The following GRM1 variants were observed in gnomAD, a reference collection of about 807,000 sequenced individuals.
GRM1 encodes the protein metabotropic glutamate receptor 1.
Under a neutral mutation model 90.9 loss-of-function variants are expected in GRM1, and 33 were observed. The observed-to-expected ratio is 0.36, with a 90% CI of 0.28 to 0.49. The LOEUF (loss-of-function observed/expected upper bound fraction) is 0.49, where lower values mean the gene tolerates loss of function less well. Ranked by LOEUF, GRM1 falls within the 20% of genes least tolerant of loss-of-function variation. The probability of loss-of-function intolerance (pLI) is 0.99; values close to 1 mark genes in which losing one functional copy is unlikely to be tolerated. For missense variants in GRM1, 1,190 were observed against 1,534.3 expected (o/e 0.78, Z 3.75); for synonymous variants, 700 against 613.2 (o/e 1.14, Z -2.09).
chr6:146,336,275 G>A (rs1254137915), intron 3 of GRM1, among the ~76,000 whole-genome samples: 1 of 152,194 alleles, frequency 6.6e-6, no homozygotes, highest in African/African-American at 2.4e-5. Context: ...GCCAGAGGCA[G>A]AGATTCCTTT....
chr6:146,105,325 T>C (rs1432898284), intron 1 of GRM1, among the ~76,000 whole-genome samples: 1 of 152,178 alleles, frequency 6.6e-6, no homozygotes, highest in Non-Finnish European at 1.5e-5. Flanking sequence ...GTAAGTAGCC[T>C]TTAAACTAGT....
chr6:146,407,138 T>A (rs889050246), intron 7 of GRM1, among the ~76,000 whole-genome samples: 7 of 152,184 alleles, frequency 4.6e-5, no homozygotes, highest in Non-Finnish European at 1.0e-4. Flanking sequence ...TAGAATACTT[T>A]AGAACGAACG....
chr6:146,342,637 C>T (rs530905244), intron 3 of GRM1, among the ~76,000 whole-genome samples: 8 of 152,292 alleles, frequency 5.3e-5, no homozygotes, highest in South Asian at 4.1e-4. Context: ...TCCTATCAAC[C>T]GTTTCATAAG....
At chr6:146,093,739 A>T (rs895110225) in intron 1 of GRM1, among the ~76,000 whole-genome samples, 1 of 152,014 alleles carries the variant, frequency 6.6e-6, no homozygotes. Flanking sequence ...ATACAAATCC[A>T]TTAAGGTGCT....
At chr6:146,401,759 T>C (rs1187719906) in intron 7 of GRM1, among the ~76,000 whole-genome samples, 2 of 152,220 alleles carry the variant, frequency 1.3e-5, no homozygotes, top group African/African-American at 4.8e-5. Context: ...ATAATTAAGT[T>C]ATCTTGTGTT....
chr6:146,196,957 C>T (rs1185080315), intron 2 of GRM1, among the ~76,000 whole-genome samples: 1 of 152,142 alleles, frequency 6.6e-6, no homozygotes, highest in Non-Finnish European at 1.5e-5. Flanking sequence ...GCATTCTCTA[C>T]CCTTGAGAAG....
intron 2 of GRM1, among the ~76,000 whole-genome samples, chr6:146,282,982 C>T (rs1039363756): frequency 1.3e-5 from 2 of 152,158 alleles, no homozygotes; most frequent in Non-Finnish European, 2.9e-5. Flanking sequence ...TAATAGCAAA[C>T]CCCCTGCAAG....
chr6:146,316,763 GGGGGACTGTCTTTTTGAGGGCCT>G lies in GRM1; in HGVS notation c.1186+11940_1186+11962del, dbSNP rs1475102615. On this transcript the variant is annotated intron_variant, in intron 3 of 7. Coordinates refer to ENST00000282753, the MANE Select transcript of GRM1 (RefSeq NM_001278064.2). ...ATTGGGGACTGTCTTTTTGAGGGCCGGGGGACTGTCTTTTTGAGGGCCTGGGGACTGTCTTTTTGAGGGCCAGG... is the reference window on the plus strand; with the variant it reads ...ATTGGGGACTGTCTTTTTGAGGGCCGGGGGACTGTCTTTTTGAGGGCCAGG... Among the ~76,000 whole-genome samples, 17 of 151,728 alleles carry G rather than the reference GGGGGACTGTCTTTTTGAGGGCCT, an allele frequency of 1.1e-4. No homozygotes were observed. The South Asian group carries it at 1.9e-3, about 17-fold the overall frequency.
chr6:146,189,152 A>AT (rs1404171144), intron 2 of GRM1, among the ~76,000 whole-genome samples: 1 of 152,148 alleles, frequency 6.6e-6, no homozygotes, highest in Non-Finnish European at 1.5e-5. Context: ...TTAATTGTTG[A>AT]TTTTTTCCCT....
At chr6:146,335,471 G>T (rs1477151936) in intron 3 of GRM1, among the ~76,000 whole-genome samples, 1 of 152,174 alleles carries the variant, frequency 6.6e-6, no homozygotes, top group Non-Finnish European at 1.5e-5. Flanking sequence ...TCACTGTTGA[G>T]ATGTGTTTTA....
chr6:146,112,625 G>C (rs553131806), intron 1 of GRM1, among the ~76,000 whole-genome samples: 1 of 152,240 alleles, frequency 6.6e-6, no homozygotes, highest in South Asian at 2.1e-4. Flanking sequence ...ATTTGTCACT[G>C]TTTCTATGCA....
chr6:146,214,219 A>G (rs988858320), intron 2 of GRM1, among the ~76,000 whole-genome samples: 1 of 152,196 alleles, frequency 6.6e-6, no homozygotes, highest in Non-Finnish European at 1.5e-5. Flanking sequence ...ACCTAAGATT[A>G]ACCATCACAA....
chr6:146,348,656 A>G (rs1785266895), intron 3 of GRM1, among the ~76,000 whole-genome samples: 1 of 152,228 alleles, frequency 6.6e-6, no homozygotes, highest in Non-Finnish European at 1.5e-5. Context: ...CCGGCTCTCT[A>G]TATGACACTG....
At chr6:146,316,861 C>G (rs1435338843) in intron 3 of GRM1, among the ~76,000 whole-genome samples, 1 of 152,118 alleles carries the variant, frequency 6.6e-6, no homozygotes, top group East Asian at 1.9e-4. Flanking sequence ...GGCCCAAGGT[C>G]CATTTCAGAT....
At chr6:146,426,603 C>T in intron 7 of GRM1, 1 of 1,607,482 alleles carries the variant, frequency 6.2e-7, no homozygotes, top group Non-Finnish European at 8.5e-7. Context: ...TGTCCGTCGG[C>T]ACATGTGCAG....
At chr6:146,234,319 T>C (rs1192395366) in intron 2 of GRM1, among the ~76,000 whole-genome samples, 1 of 152,122 alleles carries the variant, frequency 6.6e-6, no homozygotes, top group African/African-American at 2.4e-5. Context: ...TTAATTAGTT[T>C]ATTTTCATCA....
intron 2 of GRM1, among the ~76,000 whole-genome samples, chr6:146,294,071 T>C (rs1297906020): frequency 2.6e-5 from 4 of 151,790 alleles, no homozygotes; most frequent in African/African-American, 9.7e-5. Context: ...TTAGGTTGGT[T>C]GATCATTTTT....
intron 7 of GRM1, among the ~76,000 whole-genome samples, chr6:146,414,087 A>G (rs1777671223): frequency 6.6e-6 from 1 of 152,216 alleles, no homozygotes; most frequent in Admixed American, 6.5e-5. Context: ...TTGCTGCATG[A>G]TAAGGCAGGT....
At chr6:146,043,782 G>GATATATACATAC (rs1554260502) in intron 1 of GRM1, among the ~76,000 whole-genome samples, 1 of 89,984 alleles carries the variant, frequency 1.1e-5, no homozygotes, top group African/African-American at 3.4e-5. Context: ...AGAGTCAGGT[G>GATATATACATAC]ATATATATAT....
Sources: allele counts gnomAD v4.1 joint callset (sites outside exome capture counted in the v4.1 genomes callset), GRCh38; gene constraint gnomAD v4.1.1; transcripts MANE v1.5; gene names NCBI Gene and HGNC (gene_info 2026-07-23, HGNC 2026-07-21).